FAM78B: variants seen among roughly 807,000 people sequenced by gnomAD.
FAM78B encodes the protein family with sequence similarity 78 member B.
FAM78B carries 10 observed loss-of-function variants against 20.0 expected under a neutral mutation model. That is an observed-to-expected ratio of 0.50 (90% confidence interval 0.31 to 0.85). FAM78B has a LOEUF of 0.85. Ranked by LOEUF, FAM78B falls within the 40% of genes least tolerant of loss-of-function variation. FAM78B has a pLI of 0.05. For missense variants in FAM78B, 283 were observed against 345.0 expected, an observed-to-expected ratio of 0.82 and a Z score of 1.42; for synonymous variants, 135 against 132.8, an observed-to-expected ratio of 1.02 and a Z score of -0.12.
At chr1:166,102,458 A>C (rs926089448) in intron 1 of FAM78B, among the ~76,000 whole-genome samples, 3 of 152,184 alleles carry the variant, frequency 2.0e-5, no homozygotes, top group African/African-American at 7.2e-5. Flanking sequence ...GTATTCAGGA[A>C]ACCCGTCTCA....
chr1:166,109,856 A>ATGTATGTG (rs1261998155), intron 1 of FAM78B, among the ~76,000 whole-genome samples: 3 of 19,376 alleles, frequency 1.5e-4, no homozygotes, highest in African/African-American at 2.3e-4. Flanking sequence ...ATATATATAT[A>ATGTATGTG]TATATGTATG....
intron 1 of FAM78B, among the ~76,000 whole-genome samples, chr1:166,135,818 GA>G (rs1430171060): frequency 1.3e-5 from 2 of 152,180 alleles, no homozygotes; most frequent in East Asian, 3.8e-4. Context: ...GGTCTATGCC[GA>G]AAGAATTTTT....
chr1:166,127,097 A>T (rs1364139468), intron 1 of FAM78B, among the ~76,000 whole-genome samples: 2 of 152,174 alleles, frequency 1.3e-5, no homozygotes, highest in African/African-American at 4.8e-5. Flanking sequence ...ATAATGTTAA[A>T]CTTTCTGAAT....
At chr1:166,137,450 A>C (rs951255588) in intron 1 of FAM78B, among the ~76,000 whole-genome samples, 5 of 152,328 alleles carry the variant, frequency 3.3e-5, no homozygotes, top group African/African-American at 9.6e-5. Flanking sequence ...GTTACATAGC[A>C]GGACAGTAGC....
At chr1:166,056,552 C>G (rs1391110951), downstream of FAM78B, among the ~76,000 whole-genome samples, 1 of 152,170 alleles carries the variant, frequency 6.6e-6, no homozygotes, top group African/African-American at 2.4e-5. Context: ...TGACCATTTA[C>G]GTATACCAAC....
intron 1 of FAM78B, among the ~76,000 whole-genome samples, chr1:166,137,026 TC>T (rs1655090676): frequency 6.6e-6 from 1 of 152,158 alleles, no homozygotes; most frequent in African/African-American, 2.4e-5. Context: ...TGAACCTAGA[TC>T]TTATTTTAGT....
At chr1:166,096,904 C>T (rs1033899342) in intron 1 of FAM78B, among the ~76,000 whole-genome samples, 25 of 152,270 alleles carry the variant, frequency 1.6e-4, no homozygotes, top group African/African-American at 4.6e-4. Context: ...GACAGAGCAG[C>T]GGGCGGCGGC....
rs150914993 is a variant in FAM78B, at chr1:166,122,967, C to T, written c.263+43019G>A. 1.6e-3 allele frequency among the ~76,000 whole-genome samples: 238 copies of T among 152,082 alleles called. 1 individual carries two copies. Among genetic ancestry groups the T allele is most frequent in the Admixed American group, 0.012 (185 of 15,284 alleles). On this transcript the variant is annotated intron_variant, in intron 1 of 1. Transcript: ENST00000354422. Reference sequence around the variant, plus strand: ...CGTGGTCCGGCTGAGAGCTCCAGGACGAAGGTATAAACACAGCAGAGGGCA... The same window carrying T: ...CGTGGTCCGGCTGAGAGCTCCAGGATGAAGGTATAAACACAGCAGAGGGCA...
chr1:166,062,014 G>T (rs1651620312), intron 2 of FAM78B, among the ~76,000 whole-genome samples: 1 of 152,154 alleles, frequency 6.6e-6, no homozygotes, highest in South Asian at 2.1e-4. Flanking sequence ...TACAATAAGG[G>T]TGTCTCTGGG....
Position 166,070,331 on chromosome 1 carries a change from A to T in FAM78B, c.696T>A (p.Asn232Lys). 1 of 1,609,262 alleles carries T rather than the reference A, an allele frequency of 6.2e-7. No individual in the cohort carries two copies. The highest frequency in any genetic ancestry group is 2.2e-5 in the East Asian group (1 of 44,824). The change falls in exon 2 of 2, where the codon AAT becomes AAA. Residue 232 changes from asparagine to lysine, a missense_variant. Asn to Lys is a moderately conservative substitution (Grantham distance 94). Coordinates refer to ENST00000354422, the MANE Select transcript of FAM78B (RefSeq NM_001017961.5). ...CATTGGCATTGGGTTTCACTAGTGCATTAGGGGGGATGGGTTCCATCCGGC... is the reference window on the plus strand; with the variant it reads ...CATTGGCATTGGGTTTCACTAGTGCTTTAGGGGGGATGGGTTCCATCCGGC... ...ILSRMEPIPP[N>K]ALVKPNANDA... is the part of the protein sequence containing the mutation.
intron 2 of FAM78B, chr1:166,060,696 C>T (rs183867196): frequency 4.4e-4 from 545 of 1,246,154 alleles, no homozygotes; most frequent in Non-Finnish European, 4.5e-4. Flanking sequence ...GTAAATAAAG[C>T]GGGCATTAAG....
chr1:166,126,227 T>C (rs1221663892), intron 1 of FAM78B, among the ~76,000 whole-genome samples: 1 of 152,070 alleles, frequency 6.6e-6, no homozygotes, highest in African/African-American at 2.4e-5. Context: ...GGGCTGACTG[T>C]CCTAATTTAA....
chr1:166,137,652 C>A (rs899886942), intron 1 of FAM78B, among the ~76,000 whole-genome samples: 4 of 152,192 alleles, frequency 2.6e-5, no homozygotes, highest in African/African-American at 4.8e-5. Context: ...CACAGAAATA[C>A]TGACAATCAA....
exon 3 of FAM78B, chr1:166,059,111 G>A (rs1157343276): frequency 6.6e-6 from 1 of 152,668 alleles, no homozygotes; most frequent in African/African-American, 2.4e-5. Flanking sequence ...GGAACCTGGA[G>A]AAGGTGCAGG....
At chr1:166,088,220 C>G (rs559943948) in intron 1 of FAM78B, among the ~76,000 whole-genome samples, 5 of 152,218 alleles carry the variant, frequency 3.3e-5, no homozygotes, top group Non-Finnish European at 5.9e-5. Context: ...TGGAACCTCA[C>G]GCTCTTTAGA....
intron 1 of FAM78B, among the ~76,000 whole-genome samples, chr1:166,106,187 C>T (rs545803978): frequency 7.9e-5 from 10 of 126,378 alleles, no homozygotes; most frequent in Non-Finnish European, 1.1e-4. Context: ...AGGGGAACAT[C>T]GCACACCGGG....
chr1:166,103,988 C>G (rs1386327266), intron 1 of FAM78B, among the ~76,000 whole-genome samples: 1 of 151,598 alleles, frequency 6.6e-6, no homozygotes, highest in Non-Finnish European at 1.5e-5. Flanking sequence ...AGCAACACAT[C>G]CAAAAGCTTA....
At chr1:166,090,966 A>T (rs1653041694) in intron 1 of FAM78B, among the ~76,000 whole-genome samples, 1 of 152,236 alleles carries the variant, frequency 6.6e-6, no homozygotes, top group African/African-American at 2.4e-5. Flanking sequence ...TCCATTTTAA[A>T]GTTGGGGTGG....
At chr1:166,068,514 T>C (rs530870063), downstream of FAM78B, among the ~76,000 whole-genome samples, 1 of 152,354 alleles carries the variant, frequency 6.6e-6, no homozygotes, top group African/African-American at 2.4e-5. Context: ...AGCACTCTTA[T>C]GTAAGTAAGT....
Sources: allele counts gnomAD v4.1 joint callset (sites outside exome capture counted in the v4.1 genomes callset), GRCh38; gene constraint gnomAD v4.1.1; transcripts MANE v1.5; gene names NCBI Gene and HGNC (gene_info 2026-07-23, HGNC 2026-07-21).